The following B3GALNT2 variants were observed in gnomAD, a reference collection of about 807,000 sequenced individuals.
The protein encoded by B3GALNT2 is beta-1,3-N-acetylgalactosaminyltransferase 2.
A neutral mutation model predicts 61.1 loss-of-function variants in B3GALNT2; 53 were observed. That is an observed-to-expected ratio of 0.87 (90% CI 0.70 to 1.09). The LOEUF is 1.09. Among genes scored for constraint, B3GALNT2 ranks in the 50% least tolerant of loss-of-function variants. The pLI, the probability that B3GALNT2 is intolerant of heterozygous loss-of-function variation, is 0.00. For missense variants in B3GALNT2, 544 were observed against 623.0 expected, an observed-to-expected ratio of 0.87 and a Z score of 1.35; for synonymous variants, 223 against 237.4, an observed-to-expected ratio of 0.94 and a Z score of 0.56.
Position 235,487,054 on chromosome 1 carries a change from G to A in B3GALNT2, c.361+2114C>T, listed in dbSNP as rs572085138. On this transcript the variant is annotated intron_variant, in intron 3 of 11. Coordinates refer to ENST00000366600, the MANE Select transcript of B3GALNT2 (RefSeq NM_152490.5). ...CGGGCACCTGTAATTCTAGCTACTCGGGAGACTAAGGCAGGAGAATCGCTT... is the reference window on the plus strand; with the variant it reads ...CGGGCACCTGTAATTCTAGCTACTCAGGAGACTAAGGCAGGAGAATCGCTT... Among the ~76,000 whole-genome samples, 22 of 151,958 alleles carry A rather than the reference G, an allele frequency of 1.4e-4. 1 individual carries two copies. Among genetic ancestry groups the A allele is most frequent in the Admixed American group, 1.2e-3 (19 of 15,252 alleles).
In B3GALNT2 at chr1:235,448,514, T is replaced by C. The variant is rs1682633322; in HGVS notation, c.*1692A>G. ...ATTATGACATTAAACTGTCTCTAGA[T>C]AGCAACAGTTTGATTCTAAATGGAG... is the stretch of plus-strand genomic sequence containing the variant. On this transcript the variant is annotated 3_prime_UTR_variant, in exon 12 of 12. Transcript: ENST00000366600. 6.8e-7 allele frequency: 1 copy of C among 1,476,514 alleles called. No homozygotes were observed. The highest frequency in any genetic ancestry group is 1.1e-5 in the South Asian group (1 of 88,190). The allele number at this position is 1,476,514 out of a possible 1,614,324, so 91.5% of individuals were successfully genotyped here.
chr1:235,496,257 G>A, intron 1 of B3GALNT2: 1 of 377,850 alleles, frequency 2.6e-6, no homozygotes, highest in Non-Finnish European at 4.3e-6. Context: ...GTTGGGGTGA[G>A]CCGAGACCGC....
intron 3 of B3GALNT2, among the ~76,000 whole-genome samples, chr1:235,485,675 T>C (rs1404652639): frequency 6.6e-6 from 1 of 152,258 alleles, no homozygotes; most frequent in Non-Finnish European, 1.5e-5. Context: ...ATATCAGTGC[T>C]ACTTTAATAA....
At chr1:235,493,732 C>G (rs531153149) in intron 2 of B3GALNT2, among the ~76,000 whole-genome samples, 4 of 151,758 alleles carry the variant, frequency 2.6e-5, no homozygotes, top group Admixed American at 2.6e-4. Flanking sequence ...GAGCCAAGAT[C>G]GTGCCACTGC....
chr1:235,484,217 G>C (rs1684689799), intron 4 of B3GALNT2, 105 bp downstream of exon 4: 4 of 1,420,984 alleles, frequency 2.8e-6, no homozygotes, highest in South Asian at 1.7e-5. Context: ...CTCTCAACCA[G>C]AGAGAATTAT....
intron 5 of B3GALNT2, among the ~76,000 whole-genome samples, chr1:235,478,316 G>A (rs1445771117): frequency 6.6e-6 from 1 of 152,172 alleles, no homozygotes; most frequent in African/African-American, 2.4e-5. Flanking sequence ...CTCCCAAAGT[G>A]CTGGGATTAC....
At chr1:235,502,739 A>G (rs1044258707) in intron 1 of B3GALNT2, among the ~76,000 whole-genome samples, 9 of 152,224 alleles carry the variant, frequency 5.9e-5, no homozygotes, top group African/African-American at 9.6e-5. Context: ...AACCCTAAAC[A>G]ACCATTAAGG....
chr1:235,474,978 TATATA>T (rs1174352090), intron 5 of B3GALNT2, among the ~76,000 whole-genome samples: 42 of 32,004 alleles, frequency 1.3e-3, no homozygotes, highest in African/African-American at 5.2e-3. Flanking sequence ...TATATATATA[TATATA>T]TATATTTTTT....
rs575068441 is a variant in B3GALNT2 at position 235,448,864 on chromosome 1, G to A, written c.*1342C>T. ...CAATTCTACTGTCAAAACAAAGGGG[G>A]TTTACAACTTGTCCTAAGTATAACA... On this transcript the variant is annotated 3_prime_UTR_variant, in exon 12 of 12. Coordinates refer to ENST00000366600, the MANE Select transcript of B3GALNT2 (RefSeq NM_152490.5). The A allele has an allele frequency of 6.7e-6, 6 of 896,368 alleles. No homozygotes were observed. The highest frequency in any genetic ancestry group is 5.5e-5 in the South Asian group (4 of 72,858). 55.5% of individuals were successfully genotyped at this position (896,368 alleles called of 1,614,324 possible). A position where few individuals can be genotyped will look rare whatever the true frequency, so the allele number is the denominator to read the frequency against.
intron 3 of B3GALNT2, 136 bp from the exon 4 acceptor site, chr1:235,484,651 A>G (rs1221152151): frequency 7.2e-7 from 1 of 1,392,102 alleles, no homozygotes; most frequent in East Asian, 2.6e-5. Context: ...AGGAATTTTT[A>G]AAAAATGCTT....
intron 3 of B3GALNT2, among the ~76,000 whole-genome samples, chr1:235,487,521 A>G (rs891210670): frequency 7.2e-5 from 11 of 152,340 alleles, no homozygotes; most frequent in African/African-American, 2.6e-4. Flanking sequence ...AGGAGGTCAC[A>G]CAGCTAGAAA....
rs768919851 is a variant in B3GALNT2, at chr1:235,484,539, A to G, written c.362-24T>C. 6 of 1,604,962 alleles carry G rather than the reference A, an allele frequency of 3.7e-6. No homozygotes were observed. In the South Asian group the frequency reaches 4.5e-5, roughly 12 times the overall value. On this transcript the variant is annotated intron_variant, in intron 3 of 11. Coordinates refer to ENST00000366600, the MANE Select transcript of B3GALNT2 (RefSeq NM_152490.5). ...AACTAAGTAATGAGAACAGGTTTAT[A>G]TAACTGAACAAATGTAATCCTTTGT...
At chr1:235,465,309 C>T (rs900729464) in intron 7 of B3GALNT2, 5 of 232,688 alleles carry the variant, frequency 2.1e-5, no homozygotes, top group East Asian at 9.1e-5. Context: ...ACACAGAGTA[C>T]GTACTGTGCA....
chr1:235,490,547 A>T (rs1004956771), intron 2 of B3GALNT2, among the ~76,000 whole-genome samples: 1 of 152,084 alleles, frequency 6.6e-6, no homozygotes, highest in Non-Finnish European at 1.5e-5. Flanking sequence ...TAGTAACTCT[A>T]GTTTAGACCC....
chr1:235,504,285 C>A lies in B3GALNT2; in HGVS notation c.-33G>T. On this transcript the variant is annotated 5_prime_UTR_variant, in exon 1 of 12. Coordinates refer to ENST00000366600, the MANE Select transcript of B3GALNT2 (RefSeq NM_152490.5). Reference sequence around the variant, plus strand: ...CCCCGCCGCGAGCCGGGCTCTCCCGCGTCCCGGCGGAGAGGGAGGGGACCT... The same window carrying A: ...CCCCGCCGCGAGCCGGGCTCTCCCGAGTCCCGGCGGAGAGGGAGGGGACCT... 1 of 1,483,110 alleles carries A rather than the reference C, an allele frequency of 6.7e-7. No individual in the cohort carries two copies. Among genetic ancestry groups the A allele is most frequent in the Non-Finnish European group, 8.9e-7 (1 of 1,122,046 alleles). 91.9% of individuals were successfully genotyped at this position (1,483,110 alleles called of 1,614,324 possible).
At chr1:235,457,032 G>A (rs978581745) in intron 8 of B3GALNT2, among the ~76,000 whole-genome samples, 2 of 152,148 alleles carry the variant, frequency 1.3e-5, no homozygotes, top group Non-Finnish European at 2.9e-5. Flanking sequence ...AGCAGGCCAG[G>A]TGTGGTGGCT....
chr1:235,503,418 A>G (rs1685675392), intron 1 of B3GALNT2, among the ~76,000 whole-genome samples: 1 of 152,258 alleles, frequency 6.6e-6, no homozygotes, highest in Admixed American at 6.5e-5. Context: ...GTGACGCGAA[A>G]CAAGAACAAA....
chr1:235,451,820 C>T (rs1682920309), intron 11 of B3GALNT2: 1 of 152,316 alleles, frequency 6.6e-6, no homozygotes, highest in Non-Finnish European at 1.5e-5. Flanking sequence ...ATCTCTGAAG[C>T]TAAAGCCAGC....
In B3GALNT2 at chr1:235,454,323, G is replaced by A. The variant is rs753181340; in HGVS notation, c.1152-8C>T. 5 of 1,604,184 alleles carry A rather than the reference G, an allele frequency of 3.1e-6. No individual in the cohort carries two copies. Among genetic ancestry groups the A allele is most frequent in the Non-Finnish European group, 4.3e-6 (5 of 1,174,540 alleles). ...GCCCAATTCAGTCTGAAACTGAGAT[G>A]AAAAATAATGTGGCCTCTTGTGTTA... On this transcript the variant is annotated splice_polypyrimidine_tract_variant and splice_region_variant and intron_variant, in intron 9 of 11. Transcript: ENST00000366600.
Sources: allele counts gnomAD v4.1 joint callset (sites outside exome capture counted in the v4.1 genomes callset), GRCh38; gene constraint gnomAD v4.1.1; transcripts MANE v1.5; gene names NCBI Gene and HGNC (gene_info 2026-07-23, HGNC 2026-07-21).